SBF2: variants seen among roughly 807,000 people sequenced by gnomAD.
The protein encoded by SBF2 is SET binding factor 2.
Under a neutral mutation model 225.2 loss-of-function variants are expected in SBF2, and 112 were observed. The ratio of observed to expected loss-of-function variants is 0.50; its 90% CI spans 0.43 to 0.58. The LOEUF (loss-of-function observed/expected upper bound fraction) is 0.58, where lower values mean the gene tolerates loss of function less well. Ranked by LOEUF, SBF2 falls within the 20% of genes least tolerant of loss-of-function variation. The pLI, the probability that SBF2 is intolerant of heterozygous loss-of-function variation, is 0.00. For missense variants in SBF2, 1,996 were observed against 2,206.2 expected, an observed-to-expected ratio of 0.90 and a Z score of 1.91; for synonymous variants, 763 against 773.3, an observed-to-expected ratio of 0.99 and a Z score of 0.22.
intron 1 of SBF2, among the ~76,000 whole-genome samples, chr11:10,300,627 A>G (rs911788150): frequency 6.6e-6 from 1 of 152,062 alleles, no homozygotes; most frequent in Non-Finnish European, 1.5e-5. Context: ...TGCTTTCATT[A>G]ACACCATTCT....
chr11:9,842,755 T>C lies in SBF2; in HGVS notation c.3126A>G (p.Thr1042=). The C allele has an allele frequency of 6.2e-7, 1 of 1,614,136 alleles. No homozygotes were observed. The highest frequency in any genetic ancestry group is 2.2e-5 in the East Asian group (1 of 44,870). The change falls in exon 25 of 40, where the codon ACA becomes ACG. Residue 1042 remains threonine (T), a synonymous_variant. Transcript: ENST00000256190. ...KNTSFRTFSK[T]IVKGAKRAGK... is the part of the protein sequence containing the mutation. ...CTGCCCTTTTGGCACCTTTCACAAT[T>C]GTTTTTGAGAAGGTACTACAAGTCA...
At chr11:9,894,297 T>C (rs1441339767) in intron 17 of SBF2, among the ~76,000 whole-genome samples, 1 of 152,096 alleles carries the variant, frequency 6.6e-6, no homozygotes, top group African/African-American at 2.4e-5. Context: ...GGCAGGCGGA[T>C]CACAAGGTCA....
intron 16 of SBF2, among the ~76,000 whole-genome samples, chr11:9,953,999 A>T (rs1866007994): frequency 6.6e-6 from 1 of 152,202 alleles, no homozygotes; most frequent in African/African-American, 2.4e-5. Context: ...TAAAAAGTTA[A>T]GGCCATGATA....
chr11:10,277,227 C>T (rs970660152), intron 1 of SBF2, among the ~76,000 whole-genome samples: 1 of 151,008 alleles, frequency 6.6e-6, no homozygotes, highest in Non-Finnish European at 1.5e-5. Flanking sequence ...TGAGACCAGC[C>T]TAGGCATCAC....
At chr11:10,037,767 T>C (rs1949501398) in intron 3 of SBF2, among the ~76,000 whole-genome samples, 1 of 135,036 alleles carries the variant, frequency 7.4e-6, no homozygotes, top group Non-Finnish European at 1.6e-5. Context: ...AAGAGCGGGA[T>C]GGTGGGGGTG....
intron 1 of SBF2, among the ~76,000 whole-genome samples, chr11:10,278,099 A>T (rs2135553016): frequency 6.6e-6 from 1 of 152,342 alleles, no homozygotes; most frequent in African/African-American, 2.4e-5. Context: ...CTTAGTTAAC[A>T]ATCTTTTTGT....
At chr11:10,208,483 A>T (rs1238738489) in intron 1 of SBF2, among the ~76,000 whole-genome samples, 2 of 152,098 alleles carry the variant, frequency 1.3e-5, no homozygotes, top group African/African-American at 4.8e-5. Flanking sequence ...CCAAACTGAA[A>T]ATTTACAAAG....
rs1035335781 is a variant in SBF2 at position 10,209,290 on chromosome 11, C to T, written c.56-15303G>A. On this transcript the variant is annotated intron_variant, in intron 1 of 39. Transcript: ENST00000256190. ...TTAAACATGTCCCCTGCCTACAATG[C>T]TCTCCTCTCCACAAATTTGTTTTTT... Among the ~76,000 whole-genome samples, 7 of 142,068 alleles carry T rather than the reference C, an allele frequency of 4.9e-5. No individual in the cohort carries two copies. In the South Asian group the frequency reaches 6.7e-4, roughly 14 times the overall value. 93.2% of individuals were successfully genotyped at this position (142,068 alleles called of 152,430 possible).
At chr11:10,183,849 G>A (rs7111647) in intron 2 of SBF2, among the ~76,000 whole-genome samples, 15,672 of 152,240 alleles carry the variant, frequency 0.1, 960 homozygotes, top group Non-Finnish European at 0.11. Context: ...GATGTGGGGA[G>A]GGAAGGAAAG....
intron 13 of SBF2, among the ~76,000 whole-genome samples, chr11:9,981,149 T>A (rs1372217433): frequency 6.6e-6 from 1 of 152,360 alleles, no homozygotes; most frequent in Non-Finnish European, 1.5e-5. Flanking sequence ...AAGGTCCATC[T>A]AGTCAAATCA....
intron 1 of SBF2, among the ~76,000 whole-genome samples, chr11:10,259,917 C>T (rs1961265323): frequency 6.6e-6 from 1 of 151,996 alleles, no homozygotes; most frequent in South Asian, 2.1e-4. Flanking sequence ...ATTTCAAATC[C>T]AAAAACAAGT....
chr11:10,001,365 C>T (rs1269849507), intron 7 of SBF2, among the ~76,000 whole-genome samples: 3 of 152,028 alleles, frequency 2.0e-5, no homozygotes, highest in African/African-American at 7.2e-5. Context: ...TCTGATAGGG[C>T]CTCCCCTCTC....
chr11:10,279,152 C>T (rs1963214708), intron 1 of SBF2, among the ~76,000 whole-genome samples: 1 of 144,140 alleles, frequency 6.9e-6, no homozygotes, highest in Non-Finnish European at 1.5e-5. Context: ...TGGCTCATGC[C>T]TGTAATCTCA....
At chr11:10,213,715 C>G (rs1170042176) in intron 1 of SBF2, among the ~76,000 whole-genome samples, 1 of 152,162 alleles carries the variant, frequency 6.6e-6, no homozygotes, top group Non-Finnish European at 1.5e-5. Flanking sequence ...GTCATTACAG[C>G]ATCTTTAAGC....
chr11:10,029,634 C>T lies in SBF2; in HGVS notation c.513+131G>A. 6 of 748,344 alleles carry T rather than the reference C, an allele frequency of 8.0e-6. No homozygotes were observed. The South Asian group carries it at 9.0e-5, about 11-fold the overall frequency. The allele number at this position is 748,344 out of a possible 1,614,324, so 46.4% of individuals were successfully genotyped here. A position where few individuals can be genotyped will look rare whatever the true frequency, so the allele number is the denominator to read the frequency against. On this transcript the variant is annotated intron_variant, in intron 5 of 39. Transcript: ENST00000256190. ...AGCAGACCATGGGGACAATGCTTAACTAAAGTAGGATCTTCCTTAAAACAA... is the reference window on the plus strand; with the variant it reads ...AGCAGACCATGGGGACAATGCTTAATTAAAGTAGGATCTTCCTTAAAACAA...
At chr11:9,830,752 A>G (rs1288396796) in intron 27 of SBF2, among the ~76,000 whole-genome samples, 1 of 151,584 alleles carries the variant, frequency 6.6e-6, no homozygotes, top group Non-Finnish European at 1.5e-5. Flanking sequence ...AAACAAAAAA[A>G]AAAAAACAAA....
intron 9 of SBF2, among the ~76,000 whole-genome samples, chr11:9,997,825 T>C (rs561509184): frequency 1.3e-5 from 2 of 152,222 alleles, no homozygotes; most frequent in Non-Finnish European, 2.9e-5. Context: ...ATATGACACA[T>C]CTTTCTGTAA....
At chr11:10,137,772 C>T (rs1273700966) in intron 2 of SBF2, among the ~76,000 whole-genome samples, 3 of 152,028 alleles carry the variant, frequency 2.0e-5, no homozygotes, top group African/African-American at 7.2e-5. Flanking sequence ...TTTGGGAGGC[C>T]GAGGTGGGTG....
chr11:9,778,909 G>C lies in SBF2; in HGVS notation c.*1509C>G, dbSNP rs902281371. The C allele has an allele frequency of 6.6e-6, 1 of 152,530 alleles. No individual in the cohort carries two copies. Among genetic ancestry groups the C allele is most frequent in the African/African-American group, 2.4e-5 (1 of 41,398 alleles). 9.4% of individuals were successfully genotyped at this position (152,530 alleles called of 1,614,324 possible). The stretch of plus-strand genomic sequence containing the variant: ...TGTGTATAGTCTCAAATAGCTGAAG[G>C]TACAATGGGCTCCATATTTTACAAA... On this transcript the variant is annotated 3_prime_UTR_variant, in exon 40 of 40. Coordinates refer to ENST00000256190, the MANE Select transcript of SBF2 (RefSeq NM_030962.4).
Sources: gnomAD v4.1 joint callset for allele counts (sites outside exome capture counted in the v4.1 genomes callset) on GRCh38, gnomAD v4.1.1 for gene constraint, MANE v1.5 for transcripts, NCBI Gene and HGNC (gene_info 2026-07-23, HGNC 2026-07-21) for gene names.